MMP10: variants seen among roughly 807,000 people sequenced by gnomAD.
The protein encoded by MMP10 is matrix metallopeptidase 10, also known as stromelysin-2.
In MMP10, 50 loss-of-function variants were observed where a neutral mutation model predicts 49.1. The ratio of observed to expected loss-of-function variants is 1.02; its 90% CI spans 0.81 to 1.29. MMP10 has a LOEUF of 1.29. Among genes scored for constraint, MMP10 ranks in the 50% most tolerant of loss-of-function variants. MMP10 has a pLI of 0.00. For synonymous variants in MMP10, 229 were observed against 201.6 expected (o/e 1.14, Z -1.15); for missense variants, 613 against 563.8 (o/e 1.09, Z -0.88).
chr11:102,779,153 C>T (rs1857786888), intron 3 of MMP10, 60 bp downstream of exon 3: 4 of 1,578,140 alleles, frequency 2.5e-6, no homozygotes, highest in Non-Finnish European at 3.4e-6. Flanking sequence ...TCTAAGGTAA[C>T]TTGCTATAGC....
intron 9 of MMP10, among the ~76,000 whole-genome samples, chr11:102,771,619 G>C (rs1372695797): frequency 6.6e-6 from 1 of 152,156 alleles, no homozygotes; most frequent in Non-Finnish European, 1.5e-5. Flanking sequence ...AGGCTCCCCT[G>C]GGGTGGGATA....
rs142950265 is a variant in MMP10 at position 102,773,520 on chromosome 11, G to A, written c.1067-514C>T. On this transcript the variant is annotated intron_variant, in intron 7 of 9. Coordinates refer to ENST00000279441, the MANE Select transcript of MMP10 (RefSeq NM_002425.3). ...GTTACATCACTCTCCCAGACCCCAA[G>A]CCTGAATTCCTTCTTCGCACTCACT... is the stretch of plus-strand genomic sequence containing the variant. 2.8e-3 allele frequency among the ~76,000 whole-genome samples: 429 copies of A among 152,240 alleles called. 3 individuals carry two copies. The highest frequency in any genetic ancestry group is 9.5e-3 in the African/African-American group (396 of 41,540).
rs915518847 is a variant in MMP10 at position 102,778,722 on chromosome 11, C to A, written c.524G>T (p.Gly175Val). 3.7e-6 allele frequency: 6 copies of A among 1,613,714 alleles called. No homozygotes were observed. In the South Asian group the frequency reaches 6.6e-5, roughly 18 times the overall value. ...GGCATGAGCCAAACTGTGTCCTGGG[C>A]CATCAAAAGAGTAAAAGTCTCCATG... ...KEHGDFYSFD[G>V]PGHSLAHAYP... The change falls in exon 4 of 10, where the codon GGC (glycine) becomes GTC (valine). Residue 175 changes from glycine (G) to valine (V), a missense_variant. Coordinates refer to ENST00000279441, the MANE Select transcript of MMP10 (RefSeq NM_002425.3).
chr11:102,771,992 T>G lies in MMP10; in HGVS notation c.1330+20A>C. The G allele has an allele frequency of 6.8e-7, 1 of 1,465,688 alleles. No individual in the cohort carries two copies. The highest frequency in any genetic ancestry group is 1.7e-5 in the Admixed American group (1 of 57,874). The allele number at this position is 1,465,688 out of a possible 1,614,324, so 90.8% of individuals were successfully genotyped here. On this transcript the variant is annotated intron_variant, in intron 9 of 9. Transcript: ENST00000279441. Reference sequence around the variant, plus strand: ...ATGCCTGGAGATTCCTGCATGACAATGAAATAAGGGTCTTCTTACCAAATG... The same window carrying G: ...ATGCCTGGAGATTCCTGCATGACAAGGAAATAAGGGTCTTCTTACCAAATG...
rs1052325284 is a variant in MMP10, at chr11:102,779,498, C to T, written c.347+6G>A. On this transcript the variant is annotated splice_donor_region_variant and intron_variant, in intron 2 of 9. Coordinates refer to ENST00000279441, the MANE Select transcript of MMP10 (RefSeq NM_002425.3). ...ATATTATGTGAAAACTAATCTGAACCATTACCTGTATGTAAGGTGGGTTTT... is the reference window on the plus strand; with the variant it reads ...ATATTATGTGAAAACTAATCTGAACTATTACCTGTATGTAAGGTGGGTTTT... 6.2e-7 allele frequency: 1 copy of T among 1,613,892 alleles called. No individual in the cohort carries two copies. The highest frequency in any genetic ancestry group is 8.5e-7 in the Non-Finnish European group (1 of 1,179,952).
Position 102,770,788 on chromosome 11 carries a change from C to G in MMP10, c.*5G>C. On this transcript the variant is annotated 3_prime_UTR_variant, in exon 10 of 10. Coordinates refer to ENST00000279441, the MANE Select transcript of MMP10 (RefSeq NM_002425.3). ...ACACCCATATCTGTCTTCCCCCTAT[C>G]TCGCCTAGCAATGTAACCAGCTGTT... The G allele has an allele frequency of 6.3e-7, 1 of 1,580,820 alleles. No individual in the cohort carries two copies. Among genetic ancestry groups the G allele is most frequent in the Non-Finnish European group, 8.7e-7 (1 of 1,155,936 alleles).
Position 102,779,217 on chromosome 11 carries a change from A to G in MMP10, c.492T>C (p.Val164=). Residue 164 remains valine, a synonymous_variant, in exon 3 of 10, where the codon GTT becomes GTC. Coordinates refer to ENST00000279441, the MANE Select transcript of MMP10 (RefSeq NM_002425.3). The stretch of plus-strand genomic sequence containing the variant: ...ATGGATGCTTTATTTGATTACCTTT[A>G]ACTGCAAAAGAGATCATTATATCAG... ...GEADIMISFA[V]KEHGDFYSFD... The G allele has an allele frequency of 6.2e-7, 1 of 1,612,762 alleles. No individual in the cohort carries two copies. The highest frequency in any genetic ancestry group is 8.5e-7 in the Non-Finnish European group (1 of 1,179,948).
chr11:102,772,238 A>G lies in MMP10; in HGVS notation c.1227-123T>C, dbSNP rs558929177. ...ACAAACTTTTTAAGTTGTGTAAAAA[A>G]GTGTTAAACATTTTTAGAGCTACAA... On this transcript the variant is annotated intron_variant, in intron 8 of 9. Coordinates refer to ENST00000279441, the MANE Select transcript of MMP10 (RefSeq NM_002425.3). This position sits in a 1 kb window ranked among gnomAD's most constrained non-coding sequence, Gnocchi z 4.4. The G allele has an allele frequency of 2.8e-5, 17 of 607,626 alleles. No homozygotes were observed. The South Asian group carries it at 4.2e-4, about 15-fold the overall frequency. 37.6% of individuals were successfully genotyped at this position (607,626 alleles called of 1,614,324 possible).
At position 102,778,739 on chromosome 11, in the gene MMP10, G is replaced by C; in HGVS notation, c.507C>G (p.Asp169Glu). ...MISFAVKEHG[D>E]FYSFDGPGHS... Reference sequence around the variant, plus strand: ...GTCCTGGGCCATCAAAAGAGTAAAAGTCTCCATGTTCTGATAGGGAACAAA... The same window carrying C: ...GTCCTGGGCCATCAAAAGAGTAAAACTCTCCATGTTCTGATAGGGAACAAA... Residue 169 changes from aspartate (D) to glutamate (E), a missense_variant, in exon 4 of 10, where the codon GAC becomes GAG. Physicochemically the swap from Asp to Glu is conservative, Grantham distance 45. Coordinates refer to ENST00000279441, the MANE Select transcript of MMP10 (RefSeq NM_002425.3). 6.2e-7 allele frequency: 1 copy of C among 1,613,826 alleles called. No individual in the cohort carries two copies. The highest frequency in any genetic ancestry group is 2.2e-5 in the East Asian group (1 of 44,872).
chr11:102,772,783 C>A lies in MMP10; in HGVS notation c.1226+64G>T. 1 of 1,535,072 alleles carries A rather than the reference C, an allele frequency of 6.5e-7. No homozygotes were observed. Among genetic ancestry groups the A allele is most frequent in the Non-Finnish European group, 8.8e-7 (1 of 1,135,290 alleles). ...GGTGGGTGTAGGGTAGGGAAATATC[C>A]TTAAAGAAAGAAAATAATTTTCTTA... On this transcript the variant is annotated intron_variant, in intron 8 of 9. Transcript: ENST00000279441. The surrounding 1 kb of genome is among the most constrained non-coding windows in gnomAD (Gnocchi z 4.4).
chr11:102,772,083 C>G lies in MMP10; in HGVS notation c.1259G>C (p.Gly420Ala), dbSNP rs765104051. 1.2e-6 allele frequency: 2 copies of G among 1,613,252 alleles called. No individual in the cohort carries two copies. The highest frequency in any genetic ancestry group is 1.3e-5 in the African/African-American group (1 of 74,886). The change falls in exon 9 of 10, where the codon GGC becomes GCC. Residue 420 changes from glycine to alanine, a missense_variant. Gly to Ala is a moderately conservative substitution (Grantham distance 60, BLOSUM62 0). Transcript: ENST00000279441. The surrounding 1 kb of genome is among the most constrained non-coding windows in gnomAD (Gnocchi z 4.4). Reference protein sequence around the residue: ...FDENSQSMEQGFPRLIADDFP... With the variant: ...FDENSQSMEQAFPRLIADDFP... ...GTCATCAGCTATTAGTCTAGGGAAG[C>G]CTTGCTCCATGGACTGGCTATTTTC... is the stretch of plus-strand genomic sequence containing the variant.
intron 9 of MMP10, among the ~76,000 whole-genome samples, chr11:102,771,727 C>G (rs1197775622): frequency 6.6e-6 from 1 of 151,836 alleles, no homozygotes; most frequent in Non-Finnish European, 1.5e-5. Context: ...ACATAGTGAC[C>G]TGAAAGATAA....
Position 102,780,552 on chromosome 11 carries a change from C to A in MMP10, c.40G>T (p.Val14Phe). ...CCACTCAGAGGATAGGCAGAGCAGACTGGCAGACACAACAGCACAAGGAAT... is the reference window on the plus strand; with the variant it reads ...CCACTCAGAGGATAGGCAGAGCAGAATGGCAGACACAACAGCACAAGGAAT... ...LAFLVLLCLP[V>F]CSAYPLSGAA... The change falls in exon 1 of 10, where the codon GTC becomes TTC. Residue 14 changes from valine (V) to phenylalanine (F), a missense_variant. Physicochemically the swap from Val to Phe is conservative, Grantham distance 50 (BLOSUM62 -1). Transcript: ENST00000279441. The A allele has an allele frequency of 6.2e-7, 1 of 1,613,986 alleles. No individual in the cohort carries two copies. The highest frequency in any genetic ancestry group is 1.7e-5 in the Admixed American group (1 of 59,946).
At chr11:102,771,951 T>A in intron 9 of MMP10, 61 bp downstream of exon 9, 1 of 1,071,508 alleles carries the variant, frequency 9.3e-7, no homozygotes, top group South Asian at 1.3e-5. Context: ...CTGCACTTTA[T>A]TTTGAAATCA....
In MMP10 at chr11:102,772,131, GA is replaced by G; in HGVS notation, c.1227-17del. On this transcript the variant is annotated splice_polypyrimidine_tract_variant and intron_variant, in intron 8 of 9. Coordinates refer to ENST00000279441, the MANE Select transcript of MMP10 (RefSeq NM_002425.3). This position sits in a 1 kb window ranked among gnomAD's most constrained non-coding sequence, Gnocchi z 4.4. ...TTCATCAAATCTAAACCAAATGAAA[GA>G]AATACAGTTCAATGATGTGCAGTAG... is the stretch of plus-strand genomic sequence containing the variant. The G allele has an allele frequency of 1.3e-6, 2 of 1,492,692 alleles. No homozygotes were observed. Among genetic ancestry groups the G allele is most frequent in the Non-Finnish European group, 1.9e-6 (2 of 1,070,558 alleles). 92.5% of individuals were successfully genotyped at this position (1,492,692 alleles called of 1,614,324 possible).
chr11:102,771,918 A>G, intron 9 of MMP10, 94 bp downstream of exon 9: 4 of 802,722 alleles, frequency 5.0e-6, no homozygotes, highest in Non-Finnish European at 8.3e-6. Context: ...ATCAGACTGA[A>G]TGATTTAAAA....
Position 102,770,532 on chromosome 11 carries a change from T to C in MMP10, c.*261A>G, listed in dbSNP as rs1362733944. The stretch of plus-strand genomic sequence containing the variant: ...AACAGGCCCAAAATAAAACTTTTTA[T>C]TGAGGAAGTAATAACACATCTATGA... On this transcript the variant is annotated 3_prime_UTR_variant, in exon 10 of 10. Transcript: ENST00000279441. The C allele has an allele frequency of 5.8e-6, 2 of 344,958 alleles. No individual in the cohort carries two copies. Among genetic ancestry groups the C allele is most frequent in the African/African-American group, 4.2e-5 (2 of 47,082 alleles). The allele number at this position is 344,958 out of a possible 1,614,324, so 21.4% of individuals were successfully genotyped here. A position where few individuals can be genotyped will look rare whatever the true frequency, so the allele number is the denominator to read the frequency against.
At chr11:102,778,820 A>G in intron 3 of MMP10, 71 bp from the exon 4 acceptor site, 5 of 1,551,864 alleles carry the variant, frequency 3.2e-6, no homozygotes, top group Non-Finnish European at 4.4e-6. Flanking sequence ...ATTAAACAAC[A>G]GTAGATTCTA....
intron 2 of MMP10, 37 bp downstream of exon 2, chr11:102,779,467 G>T: frequency 1.9e-6 from 3 of 1,612,022 alleles, no homozygotes; most frequent in South Asian, 2.2e-5. Context: ...AACTTATAAG[G>T]TTTCAATATT....
Sources: allele counts gnomAD v4.1 joint callset (sites outside exome capture counted in the v4.1 genomes callset), GRCh38; gene constraint gnomAD v4.1.1; non-coding constraint Gnocchi (gnomAD v3.1); transcripts MANE v1.5; gene names NCBI Gene and HGNC (gene_info 2026-07-23, HGNC 2026-07-21).